Variants in NFKBIB observed in about 807,000 individuals in gnomAD.
The protein encoded by NFKBIB is NFKB inhibitor beta.
A neutral mutation model predicts 32.1 loss-of-function variants in NFKBIB; 16 were observed. The observed-to-expected ratio is 0.50, with a 90% CI of 0.34 to 0.76. NFKBIB has a LOEUF of 0.76. Among genes scored for constraint, NFKBIB ranks in the 30% least tolerant of loss-of-function variants. NFKBIB has a pLI of 0.01. For synonymous variants in NFKBIB, 222 were observed against 219.5 expected, an observed-to-expected ratio of 1.01 and a Z score of -0.10; for missense variants, 437 against 514.9, an observed-to-expected ratio of 0.85 and a Z score of 1.46.
Position 38,905,213 on chromosome 19 carries a change from C to G in NFKBIB, c.297C>G (p.His99Gln). The G allele has an allele frequency of 6.3e-7, 1 of 1,593,528 alleles. No individual in the cohort carries two copies. ...CTCTGCTTCTGCAGACAGCCCTGCA[C>G]CTGGCAGCCATCCTGGGGGAGACAT... ...LQNDLGQTALHLAAILGETST... is the reference protein window; with the variant it reads ...LQNDLGQTALQLAAILGETST... The change falls in exon 3 of 6, where the codon CAC (histidine) becomes CAG (glutamine). Residue 99 changes from histidine (H) to glutamine (Q), a missense_variant. By Grantham distance (24) the His-to-Gln change is conservative. Transcript: ENST00000313582. The surrounding 1 kb of genome is among the most constrained non-coding windows in gnomAD (Gnocchi z 5.5).
At chr19:38,900,354 C>T in intron 1 of NFKBIB, 143 bp downstream of exon 1, 1 of 903,508 alleles carries the variant, frequency 1.1e-6, no homozygotes, top group Non-Finnish European at 1.6e-6. Flanking sequence ...ACCCCCGAGT[C>T]CTAACTTTTA....
upstream of NFKBIB, chr19:38,899,823 G>C: frequency 1.4e-6 from 1 of 697,976 alleles, no homozygotes; most frequent in Non-Finnish European, 2.4e-6. Context: ...CCCGGAAAAT[G>C]TGGGAACGGC....
chr19:38,908,239 G>A, intron 5 of NFKBIB: 1 of 992,466 alleles, frequency 1.0e-6, no homozygotes, highest in Non-Finnish European at 1.2e-6. Flanking sequence ...CTGTAGAAAT[G>A]ACCTTGAAAA....
intron 1 of NFKBIB, among the ~76,000 whole-genome samples, chr19:38,902,330 A>G (rs1973996617): frequency 6.6e-6 from 1 of 151,740 alleles, no homozygotes; most frequent in African/African-American, 2.4e-5. Flanking sequence ...TCGGCTTCCC[A>G]AAGTGCTGGG....
At position 38,905,550 on chromosome 19, in the gene NFKBIB, C is replaced by G. The variant is rs747482569; in HGVS notation, c.619+15C>G. 3 of 1,580,722 alleles carry G rather than the reference C, an allele frequency of 1.9e-6. No individual in the cohort carries two copies. In the African/African-American group the frequency reaches 4.0e-5, roughly 21 times the overall value. On this transcript the variant is annotated intron_variant, in intron 3 of 5. Coordinates refer to ENST00000313582, the MANE Select transcript of NFKBIB (RefSeq NM_002503.5). The surrounding 1 kb of genome is among the most constrained non-coding windows in gnomAD (Gnocchi z 5.5). ...AAACTACGAGGGTGAGGGTCGTCAC[C>G]AGGGAAGGACTCAGCTCCTGGGCTA... is the stretch of plus-strand genomic sequence containing the variant.
In NFKBIB at chr19:38,905,044, A is replaced by C; in HGVS notation, c.209A>C (p.His70Pro). The change falls in exon 2 of 6, where the codon CAT becomes CCT. Residue 70 changes from histidine to proline, a missense_variant. Coordinates refer to ENST00000313582, the MANE Select transcript of NFKBIB (RefSeq NM_002503.5). This position sits in a 1 kb window ranked among gnomAD's most constrained non-coding sequence, Gnocchi z 5.5. ...CTGCACTTGGCTGTGATTCATCAGCATGAACCCTTCCTGGATTTTCTTCTA... is the reference window on the plus strand; with the variant it reads ...CTGCACTTGGCTGTGATTCATCAGCCTGAACCCTTCCTGGATTTTCTTCTA... The part of the protein sequence containing the change: ...TALHLAVIHQ[H>P]EPFLDFLLGF... 6.2e-7 allele frequency: 1 copy of C among 1,614,176 alleles called. No homozygotes were observed. The highest frequency in any genetic ancestry group is 8.5e-7 in the Non-Finnish European group (1 of 1,180,010).
rs148134026 is a variant in NFKBIB at position 38,905,388 on chromosome 19, C to T, written c.472C>T (p.Pro158Ser). 301 of 1,613,502 alleles carry T rather than the reference C, an allele frequency of 1.9e-4. No homozygotes were observed. The highest frequency in any genetic ancestry group is 1.6e-4 in the Middle Eastern group (1 of 6,084). The change falls in exon 3 of 6, where the codon CCC (proline) becomes TCC (serine). Residue 158 changes from proline (P) to serine (S), a missense_variant. Physicochemically the swap from Pro to Ser is moderately conservative, Grantham distance 74 (BLOSUM62 -1). Transcript: ENST00000313582. This position sits in a 1 kb window ranked among gnomAD's most constrained non-coding sequence, Gnocchi z 5.5. ...QPRPRRPREA[P>S]DTYLAQGPDR... ...CCGCCCCCGGCGCCCCAGGGAAGCCCCCGACACCTACCTCGCTCAGGGCCC... is the reference window on the plus strand; with the variant it reads ...CCGCCCCCGGCGCCCCAGGGAAGCCTCCGACACCTACCTCGCTCAGGGCCC...
chr19:38,906,672 T>C (rs1436611451), intron 3 of NFKBIB, among the ~76,000 whole-genome samples: 2 of 151,150 alleles, frequency 1.3e-5, no homozygotes, highest in African/African-American at 4.9e-5. Flanking sequence ...GGTTTCACCA[T>C]GTTAGCCAGG....
upstream of NFKBIB, chr19:38,899,968 A>T: frequency 7.0e-7 from 1 of 1,420,508 alleles, no homozygotes; most frequent in Non-Finnish European, 9.2e-7. Flanking sequence ...CGGAAGCTCC[A>T]GAACTCCCGG....
At position 38,905,452 on chromosome 19, in the gene NFKBIB, T is replaced by C. The variant is rs1974090087; in HGVS notation, c.536T>C (p.Leu179Ser). 6.2e-7 allele frequency: 1 copy of C among 1,613,844 alleles called. No homozygotes were observed. The highest frequency in any genetic ancestry group is 8.5e-7 in the Non-Finnish European group (1 of 1,179,974). ...GACACCAACCATACCCCTGTCGCCT[T>C]GTACCCCGATTCCGACTTGGAGAAG... The part of the protein sequence containing the change: ...TPDTNHTPVA[L>S]YPDSDLEKEE... Residue 179 changes from leucine (L) to serine (S), a missense_variant, in exon 3 of 6, where the codon TTG (leucine) becomes TCG (serine). Leu to Ser is a moderately radical substitution (Grantham distance 145, BLOSUM62 -2). Transcript: ENST00000313582. This position sits in a 1 kb window ranked among gnomAD's most constrained non-coding sequence, Gnocchi z 5.5.
chr19:38,900,245 A>G lies in NFKBIB; in HGVS notation c.179+34A>G, dbSNP rs374525594. The G allele has an allele frequency of 4.4e-5, 68 of 1,550,380 alleles. No individual in the cohort carries two copies. The South Asian group carries it at 7.0e-4, about 16-fold the overall frequency. On this transcript the variant is annotated intron_variant, in intron 1 of 5. Coordinates refer to ENST00000313582, the MANE Select transcript of NFKBIB (RefSeq NM_002503.5). ...ACCTTAGGCTGCCAAACGGAGCCCT[A>G]GGACCCGGCGTCACATTCCTCATTA...
At chr19:38,907,776 A>G (rs3136642) in intron 5 of NFKBIB, 117 bp downstream of exon 5, 571,042 of 1,452,402 alleles carry the variant, frequency 0.39, 115,941 homozygotes, top group East Asian at 0.71. Flanking sequence ...GAACTCAGGC[A>G]GCAGCGCCAG....
intron 5 of NFKBIB, chr19:38,908,018 G>A: frequency 8.9e-7 from 1 of 1,125,350 alleles, no homozygotes; most frequent in Non-Finnish European, 1.1e-6. Flanking sequence ...TTGGGTGGCA[G>A]TGATTTGAAC....
In NFKBIB at chr19:38,900,050, C is replaced by T; in HGVS notation, c.18C>T (p.Cys6=). The T allele has an allele frequency of 6.7e-7, 1 of 1,494,128 alleles. No individual in the cohort carries two copies. The highest frequency in any genetic ancestry group is 8.9e-7 in the Non-Finnish European group (1 of 1,124,210). 92.6% of individuals were successfully genotyped at this position (1,494,128 alleles called of 1,614,324 possible). A position where few individuals can be genotyped will look rare whatever the true frequency, so the allele number is the denominator to read the frequency against. ...CGGGGGCCATGGCTGGGGTCGCGTGCTTGGGAAAAGCTGCCGACGCAGATG... is the reference window on the plus strand; with the variant it reads ...CGGGGGCCATGGCTGGGGTCGCGTGTTTGGGAAAAGCTGCCGACGCAGATG... MAGVA[C]LGKAADADEW... The change falls in exon 1 of 6, where the codon TGC becomes TGT. Residue 6 remains cysteine, a synonymous_variant. Transcript: ENST00000313582.
chr19:38,908,515 G>A, intron 5 of NFKBIB: 1 of 1,266,630 alleles, frequency 7.9e-7, no homozygotes, highest in Non-Finnish European at 1.0e-6. Flanking sequence ...TTCCAGCCTG[G>A]GCAACAGAGC....
chr19:38,900,070 C>T lies in NFKBIB; in HGVS notation c.38C>T (p.Ala13Val), dbSNP rs1239220148. ...GCGTGCTTGGGAAAAGCTGCCGACG[C>T]AGATGAATGGTGCGACAGCGGCCTG... ...GVACLGKAAD[A>V]DEWCDSGLGS... The change falls in exon 1 of 6, where the codon GCA becomes GTA. Residue 13 changes from alanine to valine, a missense_variant. Ala to Val is a moderately conservative substitution (Grantham distance 64). Coordinates refer to ENST00000313582, the MANE Select transcript of NFKBIB (RefSeq NM_002503.5). 1 of 1,514,000 alleles carries T rather than the reference C, an allele frequency of 6.6e-7. No homozygotes were observed. The highest frequency in any genetic ancestry group is 1.2e-5 in the South Asian group (1 of 80,654). 93.8% of individuals were successfully genotyped at this position (1,514,000 alleles called of 1,614,324 possible).
chr19:38,902,491 G>C (rs1381926909), intron 1 of NFKBIB, among the ~76,000 whole-genome samples: 1 of 151,834 alleles, frequency 6.6e-6, no homozygotes, highest in Non-Finnish European at 1.5e-5. Context: ...ATCTGCTTTT[G>C]TATGGTTGTG....
In NFKBIB at chr19:38,907,558, G is replaced by A. The variant is rs376726532; in HGVS notation, c.868G>A (p.Ala290Thr). 3.0e-5 allele frequency: 49 copies of A among 1,612,334 alleles called. No homozygotes were observed. Among genetic ancestry groups the A allele is most frequent in the Admixed American group, 8.3e-5 (5 of 59,968 alleles). ...SAMLRPNPIL[A>T]RLLRAHGAPE... ...CATGCTCCGGCCCAACCCCATCCTC[G>A]CCCGCCTCCTCCGTGCACACGGAGC... The change falls in exon 5 of 6, where the codon GCC becomes ACC. Residue 290 changes from alanine to threonine, a missense_variant. Physicochemically the swap from Ala to Thr is moderately conservative, Grantham distance 58. Transcript: ENST00000313582.
intron 5 of NFKBIB, chr19:38,908,223 A>G: frequency 1.0e-6 from 1 of 993,058 alleles, no homozygotes; most frequent in Non-Finnish European, 1.2e-6. Context: ...CTGGCTAGAA[A>G]TTGGTCTGTA....
Sources: gnomAD v4.1 joint callset for allele counts (sites outside exome capture counted in the v4.1 genomes callset) on GRCh38, gnomAD v4.1.1 for gene constraint, Gnocchi (gnomAD v3.1) non-coding constraint, MANE v1.5 for transcripts, NCBI Gene and HGNC (gene_info 2026-07-23, HGNC 2026-07-21) for gene names.